The following PPP1R1A variants were observed in gnomAD, a reference collection of about 807,000 sequenced individuals.
PPP1R1A encodes the protein protein phosphatase 1 regulatory subunit 1A.
Under a neutral mutation model 23.9 loss-of-function variants are expected in PPP1R1A, and 18 were observed. That is an observed-to-expected ratio of 0.75 (90% confidence interval 0.52 to 1.12). The LOEUF is 1.12. PPP1R1A is among the 50% of genes most tolerant of loss of function. The pLI, the probability that PPP1R1A is intolerant of heterozygous loss-of-function variation, is 0.00. For missense variants in PPP1R1A, 207 were observed against 223.8 expected (o/e 0.92, Z 0.48); for synonymous variants, 84 against 80.7 (o/e 1.04, Z -0.22).
chr12:54,580,248 A>G lies in PPP1R1A; in HGVS notation c.*139T>C, dbSNP rs945847616. 1.4e-6 allele frequency: 2 copies of G among 1,469,374 alleles called. No homozygotes were observed. The highest frequency in any genetic ancestry group is 2.5e-5 in the East Asian group (1 of 39,720). 91.0% of individuals were successfully genotyped at this position (1,469,374 alleles called of 1,614,324 possible). ...GGATTCTCCCAGTTGGAAAAGAAGGAAAGTGCCAAGGACCTAACACCAAAT... is the reference window on the plus strand; with the variant it reads ...GGATTCTCCCAGTTGGAAAAGAAGGGAAGTGCCAAGGACCTAACACCAAAT... On this transcript the variant is annotated 3_prime_UTR_variant, in exon 7 of 7. Transcript: ENST00000257905.
intron 1 of PPP1R1A, among the ~76,000 whole-genome samples, chr12:54,585,130 C>T (rs1235567952): frequency 2.6e-5 from 4 of 152,192 alleles, no homozygotes; most frequent in East Asian, 3.9e-4. Context: ...AGGATCTGAA[C>T]GTGCATCTCC....
chr12:54,588,553 G>C lies in PPP1R1A; in HGVS notation c.-65C>G. 1.9e-6 allele frequency: 2 copies of C among 1,054,240 alleles called. No homozygotes were observed. Among genetic ancestry groups the C allele is most frequent in the Non-Finnish European group, 2.5e-6 (2 of 813,862 alleles). 65.3% of individuals were successfully genotyped at this position (1,054,240 alleles called of 1,614,324 possible). ...GGGAAGGCGGCGGGACTCGGGGCTG[G>C]GGCGGGCGCGCTCCCTCTCCGCTCC... is the stretch of plus-strand genomic sequence containing the variant. On this transcript the variant is annotated 5_prime_UTR_variant, in exon 1 of 7. Transcript: ENST00000257905.
chr12:54,588,473 T>A lies in PPP1R1A; in HGVS notation c.16A>T (p.Ser6Cys). The A allele has an allele frequency of 2.7e-6, 4 of 1,461,668 alleles. No individual in the cohort carries two copies. Among genetic ancestry groups the A allele is most frequent in the Non-Finnish European group, 3.6e-6 (4 of 1,099,584 alleles). 90.5% of individuals were successfully genotyped at this position (1,461,668 alleles called of 1,614,324 possible). ...ACCGTGAACTGGATCTTTCGGGGGC[T>A]GTTGTCTTGCTCCATGGCTGGGGCG... MEQDN[S>C]PRKIQFTVPL... Residue 6 changes from serine to cysteine, a missense_variant, in exon 1 of 7, where the codon AGC becomes TGC. Physicochemically the swap from Ser to Cys is moderately radical, Grantham distance 112. Coordinates refer to ENST00000257905, the MANE Select transcript of PPP1R1A (RefSeq NM_006741.4).
At chr12:54,584,840 G>A (rs1050022620) in intron 1 of PPP1R1A, among the ~76,000 whole-genome samples, 1 of 151,888 alleles carries the variant, frequency 6.6e-6, no homozygotes, top group African/African-American at 2.4e-5. Context: ...AGACCACCTC[G>A]CCTCCCTGCA....
intron 1 of PPP1R1A, 79 bp downstream of exon 1, chr12:54,588,326 G>C: frequency 8.4e-7 from 1 of 1,190,368 alleles, no homozygotes; most frequent in Non-Finnish European, 1.1e-6. Context: ...GGACTAGGCA[G>C]GGATCCTGGG....
At chr12:54,588,322 G>T in intron 1 of PPP1R1A, 83 bp downstream of exon 1, 1 of 1,106,820 alleles carries the variant, frequency 9.0e-7, no homozygotes, top group East Asian at 3.4e-5. Context: ...GGGAGGACTA[G>T]GCAGGGATCC....
chr12:54,581,260 A>C lies in PPP1R1A; in HGVS notation c.404-210T>G, dbSNP rs1046267628. Among the ~76,000 whole-genome samples, 1 of 152,228 alleles carries C rather than the reference A, an allele frequency of 6.6e-6. No homozygotes were observed. The highest frequency in any genetic ancestry group is 1.5e-5 in the Non-Finnish European group (1 of 68,050). On this transcript the variant is annotated intron_variant, in intron 5 of 6. Transcript: ENST00000257905. The surrounding 1 kb of genome is among the most constrained non-coding windows in gnomAD (Gnocchi z 4.1). ...TTTAAAAAATCTTCAATCAAATTGG[A>C]AAGAATAAACCCTCTACAGTTTAAA...
chr12:54,588,323 G>A, intron 1 of PPP1R1A, 82 bp downstream of exon 1: 1 of 1,153,300 alleles, frequency 8.7e-7, no homozygotes, highest in Middle Eastern at 2.1e-4. Context: ...GGAGGACTAG[G>A]CAGGGATCCT....
rs1440955613 is a variant in PPP1R1A at position 54,579,436 on chromosome 12, C to T, written c.*951G>A. The stretch of plus-strand genomic sequence containing the variant: ...AGTAGCTGCATGGCAGAAGTGGGAC[C>T]TGACGCTTCTCAGGCTCTGCTCTTG... On this transcript the variant is annotated 3_prime_UTR_variant, in exon 7 of 7. Coordinates refer to ENST00000257905, the MANE Select transcript of PPP1R1A (RefSeq NM_006741.4). The T allele has an allele frequency of 5.1e-6, 5 of 985,264 alleles. No homozygotes were observed. In the African/African-American group the frequency reaches 8.7e-5, roughly 17 times the overall value. 61.0% of individuals were successfully genotyped at this position (985,264 alleles called of 1,614,324 possible).
intron 1 of PPP1R1A, among the ~76,000 whole-genome samples, chr12:54,586,614 G>T (rs1486438612): frequency 6.6e-6 from 1 of 152,196 alleles, no homozygotes; most frequent in African/African-American, 2.4e-5. Flanking sequence ...AGGAGGGGCT[G>T]AGGTTAGGCC....
At chr12:54,588,055 G>A (rs1055827237) in intron 1 of PPP1R1A, among the ~76,000 whole-genome samples, 1 of 152,040 alleles carries the variant, frequency 6.6e-6, no homozygotes, top group Non-Finnish European at 1.5e-5. Context: ...AAACTCTAGT[G>A]GGGGTTGACT....
intron 3 of PPP1R1A, 97 bp from the exon 4 acceptor site, chr12:54,582,892 G>A: frequency 7.8e-7 from 1 of 1,275,788 alleles, no homozygotes; most frequent in Non-Finnish European, 1.1e-6. Flanking sequence ...AGCCCCCCTT[G>A]CCTTCCTCCT....
At chr12:54,584,189 G>A (rs763603209) in intron 2 of PPP1R1A, 71 bp downstream of exon 2, 3 of 1,393,928 alleles carry the variant, frequency 2.2e-6, no homozygotes, top group Admixed American at 2.0e-5. Context: ...TCCATCTAGC[G>A]CCCATCTTCT....
Position 54,581,006 on chromosome 12 carries a change from C to T in PPP1R1A, c.448G>A (p.Glu150Lys), listed in dbSNP as rs768834879. The T allele has an allele frequency of 6.2e-7, 1 of 1,613,942 alleles. No individual in the cohort carries two copies. Among genetic ancestry groups the T allele is most frequent in the East Asian group, 2.2e-5 (1 of 44,876 alleles). The change falls in exon 6 of 7, where the codon GAA (glutamate) becomes AAA (lysine). Residue 150 changes from glutamate to lysine, a missense_variant. By Grantham distance (56) the Glu-to-Lys change is moderately conservative. Coordinates refer to ENST00000257905, the MANE Select transcript of PPP1R1A (RefSeq NM_006741.4). This position sits in a 1 kb window ranked among gnomAD's most constrained non-coding sequence, Gnocchi z 4.1. The part of the protein sequence containing the change: ...IPKTHERGSK[E>K]PSTKEPSTHI... The stretch of plus-strand genomic sequence containing the variant: ...GTTGAGGGTTCTTTTGTGCTGGGTT[C>T]CTTACTGCCTCTCTCGTGAGTTTTA...
rs1957840815 is a variant in PPP1R1A at position 54,580,144 on chromosome 12, CCT to C, written c.*241_*242del. The C allele has an allele frequency of 7.5e-7, 1 of 1,332,384 alleles. No homozygotes were observed. Among genetic ancestry groups the C allele is most frequent in the African/African-American group, 1.5e-5 (1 of 67,446 alleles). The allele number at this position is 1,332,384 out of a possible 1,614,324, so 82.5% of individuals were successfully genotyped here. A position where few individuals can be genotyped will look rare whatever the true frequency, so the allele number is the denominator to read the frequency against. ...CCCTGCTCAAGGCTTCTGCCTAGCT[CCT>C]GTTTCTTCCTTCCCAGAGGCAGCTT... is the stretch of plus-strand genomic sequence containing the variant. On this transcript the variant is annotated 3_prime_UTR_variant, in exon 7 of 7. Transcript: ENST00000257905.
intron 6 of PPP1R1A, 88 bp downstream of exon 6, chr12:54,580,856 T>C (rs779785159): frequency 1.7e-6 from 2 of 1,146,668 alleles, no homozygotes; most frequent in South Asian, 2.5e-5. Flanking sequence ...GTTTTCCTTT[T>C]CCTAGACTCC....
chr12:54,579,694 G>A lies in PPP1R1A; in HGVS notation c.*693C>T. 4.1e-6 allele frequency: 4 copies of A among 985,490 alleles called. No individual in the cohort carries two copies. The highest frequency in any genetic ancestry group is 4.8e-6 in the Non-Finnish European group (4 of 829,990). The allele number at this position is 985,490 out of a possible 1,614,324, so 61.0% of individuals were successfully genotyped here. On this transcript the variant is annotated 3_prime_UTR_variant, in exon 7 of 7. Transcript: ENST00000257905. ...GGGCCTCTTCATTAATAGCCACTGTGTTCTCTATCCATTGTTGCTAACGGG... is the reference window on the plus strand; with the variant it reads ...GGGCCTCTTCATTAATAGCCACTGTATTCTCTATCCATTGTTGCTAACGGG...
In PPP1R1A at chr12:54,584,087, C is replaced by T. The variant is rs7297136; in HGVS notation, c.145+173G>A. Among the ~76,000 whole-genome samples the T allele has an allele frequency of 3.9e-5, 6 of 152,226 alleles. No individual in the cohort carries two copies. In the South Asian group the frequency reaches 8.3e-4, roughly 21 times the overall value. The stretch of plus-strand genomic sequence containing the variant: ...CCTCCCTTTCCTAGAACTGCTCCAT[C>T]TTTCCAAAAGCAAAGAATATTCTGC... On this transcript the variant is annotated intron_variant, in intron 2 of 6. Transcript: ENST00000257905.
intron 2 of PPP1R1A, among the ~76,000 whole-genome samples, chr12:54,583,753 C>T (rs1194050603): frequency 6.6e-6 from 1 of 152,164 alleles, no homozygotes; most frequent in Non-Finnish European, 1.5e-5. Context: ...TAGCCTGTCC[C>T]CCTCGCTTCC....
Sources: allele counts gnomAD v4.1 joint callset (sites outside exome capture counted in the v4.1 genomes callset), GRCh38; gene constraint gnomAD v4.1.1; non-coding constraint Gnocchi (gnomAD v3.1); transcripts MANE v1.5; gene names NCBI Gene and HGNC (gene_info 2026-07-23, HGNC 2026-07-21).